Variants in MZF1 observed in about 807,000 individuals in gnomAD.
The protein encoded by MZF1 is zinc finger and SCAN domain-containing protein 6.
Under a neutral mutation model 28.6 loss-of-function variants are expected in MZF1, and 24 were observed. The ratio of observed to expected loss-of-function variants is 0.84; its 90% CI spans 0.61 to 1.18. The LOEUF is 1.18. Among genes scored for constraint, MZF1 ranks in the 50% most tolerant of loss-of-function variants. The probability of loss-of-function intolerance (pLI) is 0.00; values close to 1 mark genes in which losing one functional copy is unlikely to be tolerated. For synonymous variants in MZF1, 516 were observed against 432.5 expected (o/e 1.19, Z -2.40); for missense variants, 1,166 against 1,026.4 (o/e 1.14, Z -1.86).
In MZF1 at chr19:58,569,257, C is replaced by T; in HGVS notation, c.772+20G>A. 6.3e-7 allele frequency: 1 copy of T among 1,578,852 alleles called. No homozygotes were observed. Among genetic ancestry groups the T allele is most frequent in the Non-Finnish European group, 8.6e-7 (1 of 1,164,294 alleles). On this transcript the variant is annotated intron_variant, in intron 5 of 5. Coordinates refer to ENST00000215057, the MANE Select transcript of MZF1 (RefSeq NM_198055.2). Reference sequence around the variant, plus strand: ...TGTCCATGCGGAAGGCCTAGTCCCACCACACCCCATCTCACTTACCTGGGG... The same window carrying T: ...TGTCCATGCGGAAGGCCTAGTCCCATCACACCCCATCTCACTTACCTGGGG...
Position 58,563,385 on chromosome 19 carries a change from C to T in MZF1, c.892G>A (p.Glu298Lys). The change falls in exon 6 of 6, where the codon GAA becomes AAA. Residue 298 changes from glutamate to lysine, a missense_variant. Transcript: ENST00000215057. ...LSGQIQSPSR[E>K]GGFAHALLLP... ...AGAAGCGCATGCGCAAAGCCACCTTCGCGGGAGGGTGATTGGATCTGGCCA... is the reference window on the plus strand; with the variant it reads ...AGAAGCGCATGCGCAAAGCCACCTTTGCGGGAGGGTGATTGGATCTGGCCA... 1 of 1,603,080 alleles carries T rather than the reference C, an allele frequency of 6.2e-7. No homozygotes were observed. Among genetic ancestry groups the T allele is most frequent in the Non-Finnish European group, 8.5e-7 (1 of 1,174,944 alleles).
intron 1 of MZF1, chr19:58,572,567 T>C (rs1478510319): frequency 7.8e-7 from 1 of 1,289,646 alleles, no homozygotes; most frequent in South Asian, 1.2e-5. Context: ...CTCGCGCTGT[T>C]CCTTCTGCAG....
At position 58,562,913 on chromosome 19, in the gene MZF1, A is replaced by G. The variant is rs1409091971; in HGVS notation, c.1364T>C (p.Leu455Pro). The G allele has an allele frequency of 3.8e-6, 6 of 1,590,802 alleles. No homozygotes were observed. In the African/African-American group the frequency reaches 6.7e-5, roughly 18 times the overall value. The change falls in exon 6 of 6, where the codon CTG (leucine) becomes CCG (proline). Residue 455 changes from leucine (L) to proline (P), a missense_variant. By Grantham distance (98) the Leu-to-Pro change is moderately conservative (BLOSUM62 -3). Transcript: ENST00000215057. ...GCCGTGGATGCGCTGGTGCTGCAGC[A>G]GATTGGAGCGCTGCCGGAAGCTCTG... ...CGQSFRQRSN[L>P]LQHQRIHGDP...
chr19:58,565,313 C>G (rs572112094), intron 5 of MZF1, among the ~76,000 whole-genome samples: 1 of 147,948 alleles, frequency 6.8e-6, no homozygotes, highest in Non-Finnish European at 1.5e-5. Context: ...AGGCTGGTCT[C>G]GAACTCCCGA....
At chr19:58,572,147 G>A (rs2054176496) in intron 1 of MZF1, among the ~76,000 whole-genome samples, 1 of 151,954 alleles carries the variant, frequency 6.6e-6, no homozygotes, top group Non-Finnish European at 1.5e-5. Flanking sequence ...CCTACCCAAC[G>A]CCAGCCCTTA....
chr19:58,572,450 G>A, intron 1 of MZF1: 1 of 948,074 alleles, frequency 1.1e-6, no homozygotes, highest in Non-Finnish European at 1.5e-6. Context: ...AAGACTGCCG[G>A]AACAGGAGCC....
intron 5 of MZF1, chr19:58,564,561 C>T (rs931063061): frequency 6.6e-6 from 1 of 152,250 alleles, no homozygotes; most frequent in African/African-American, 2.4e-5. Context: ...GGGCTGAACT[C>T]ATCTGCCATT....
Position 58,562,038 on chromosome 19 carries a change from T to C in MZF1, c.*34A>G, listed in dbSNP as rs1461054133. 1.3e-6 allele frequency: 2 copies of C among 1,539,254 alleles called. No homozygotes were observed. Among genetic ancestry groups the C allele is most frequent in the South Asian group, 2.4e-5 (2 of 83,862 alleles). On this transcript the variant is annotated 3_prime_UTR_variant, in exon 6 of 6. Coordinates refer to ENST00000215057, the MANE Select transcript of MZF1 (RefSeq NM_198055.2). ...CAATAACCAGGGGAGGTAGGTGTTC[T>C]GACCATGGCGGACACAGTGCGTCCC...
chr19:58,570,293 C>T lies in MZF1; in HGVS notation c.580+51G>A, dbSNP rs540811752. 1.1e-5 allele frequency: 17 copies of T among 1,529,680 alleles called. No individual in the cohort carries two copies. The East Asian group carries it at 2.8e-4, about 25-fold the overall frequency. 94.8% of individuals were successfully genotyped at this position (1,529,680 alleles called of 1,614,324 possible). A position where few individuals can be genotyped will look rare whatever the true frequency, so the allele number is the denominator to read the frequency against. Reference sequence around the variant, plus strand: ...TCAGACTGACTGCTCAGGCCAGGTTCCCTGGCCCACCCAACCAGACCTTAG... The same window carrying T: ...TCAGACTGACTGCTCAGGCCAGGTTTCCTGGCCCACCCAACCAGACCTTAG... On this transcript the variant is annotated intron_variant, in intron 3 of 5. Coordinates refer to ENST00000215057, the MANE Select transcript of MZF1 (RefSeq NM_198055.2).
At position 58,562,677 on chromosome 19, in the gene MZF1, C is replaced by T; in HGVS notation, c.1600G>A (p.Val534Met). 1 of 1,538,852 alleles carries T rather than the reference C, an allele frequency of 6.5e-7. No homozygotes were observed. The highest frequency in any genetic ancestry group is 8.7e-7 in the Non-Finnish European group (1 of 1,148,512). Residue 534 changes from valine to methionine, a missense_variant, in exon 6 of 6, where the codon GTG (valine) becomes ATG (methionine). By Grantham distance (21) the Val-to-Met change is conservative. Coordinates refer to ENST00000215057, the MANE Select transcript of MZF1 (RefSeq NM_198055.2). ...RRSVLLQHRRVHSGERPFACA... is the reference protein window; with the variant it reads ...RRSVLLQHRRMHSGERPFACA... The stretch of plus-strand genomic sequence containing the variant: ...GCGAAGGGCCGCTCGCCACTGTGCA[C>T]GCGCCGGTGCTGCAGCAGCACTGAG...
rs774752138 is a variant in MZF1 at position 58,562,984 on chromosome 19, C to G, written c.1293G>C (p.Arg431=). Residue 431 remains arginine, a synonymous_variant, in exon 6 of 6, where the codon CGG becomes CGC. Coordinates refer to ENST00000215057, the MANE Select transcript of MZF1 (RefSeq NM_198055.2). ...AAGGCTGTTCGCCCGTGTGCACTCT[C>G]CGATGCTCTTCCAGGCGCGCGCTGC... ...FVRSARLEEH[R]RVHTGEQPFR... 5 of 1,602,136 alleles carry G rather than the reference C, an allele frequency of 3.1e-6. No homozygotes were observed. Among genetic ancestry groups the G allele is most frequent in the Non-Finnish European group, 2.5e-6 (3 of 1,179,680 alleles).
Position 58,564,902 on chromosome 19 carries a change from GTTTTTTTTTTTT to G in MZF1, c.773-1410_773-1399del, listed in dbSNP as rs71190056. On this transcript the variant is annotated intron_variant, in intron 5 of 5. Coordinates refer to ENST00000215057, the MANE Select transcript of MZF1 (RefSeq NM_198055.2). ...GTGGAGAATAAGCATCCATGTGTGT[GTTTTTTTTTTTT>G]TTTTTTTTTTTTTTTTTTTTTTTTG... Among the ~76,000 whole-genome samples, 111 of 41,978 alleles carry G rather than the reference GTTTTTTTTTTTT, an allele frequency of 2.6e-3. 1 individual carries two copies. Among genetic ancestry groups the G allele is most frequent in the Middle Eastern group, 0.02 (1 of 50 alleles). The allele number at this position is 41,978 out of a possible 152,430, so 27.5% of individuals were successfully genotyped here.
At chr19:58,570,322 C>T (rs577858041) in intron 3 of MZF1, 22 bp downstream of exon 3, 6 of 1,584,066 alleles carry the variant, frequency 3.8e-6, no homozygotes, top group East Asian at 4.5e-5. Flanking sequence ...ACCTTAGGCG[C>T]GCCCACCGTG....
intron 3 of MZF1, 100 bp downstream of exon 3, chr19:58,570,244 A>C: frequency 7.7e-7 from 1 of 1,293,558 alleles, no homozygotes; most frequent in Non-Finnish European, 1.1e-6. Flanking sequence ...CATTCCATTT[A>C]TAACAAACCT....
intron 5 of MZF1, chr19:58,564,459 G>A (rs914728935): frequency 1.1e-3 from 162 of 152,158 alleles, no homozygotes; most frequent in African/African-American, 3.7e-3. Flanking sequence ...TAGACACATG[G>A]GCAAAGGATG....
intron 3 of MZF1, 49 bp downstream of exon 3, chr19:58,570,295 C>T: frequency 6.5e-7 from 1 of 1,538,900 alleles, no homozygotes. Context: ...GCCAGGTTCC[C>T]TGGCCCACCC....
chr19:58,564,903 T>TGTG lies in MZF1; in HGVS notation c.773-1400_773-1399insCAC, dbSNP rs1491174026. ...TGGAGAATAAGCATCCATGTGTGTG[T>TGTG]TTTTTTTTTTTTTTTTTTTTTTTTT... On this transcript the variant is annotated intron_variant, in intron 5 of 5. Transcript: ENST00000215057. Among the ~76,000 whole-genome samples the TGTG allele has an allele frequency of 1.8e-4, 6 of 33,160 alleles. No homozygotes were observed. The Admixed American group carries it at 1.9e-3, about 10-fold the overall frequency. 21.8% of individuals were successfully genotyped at this position (33,160 alleles called of 152,430 possible).
chr19:58,567,107 C>G (rs2054072850), intron 5 of MZF1, among the ~76,000 whole-genome samples: 1 of 152,144 alleles, frequency 6.6e-6, no homozygotes, highest in Non-Finnish European at 1.5e-5. Flanking sequence ...AGGGTTTTGC[C>G]ATGTTGCCCA....
rs1210485165 is a variant in MZF1 at position 58,562,321 on chromosome 19, G to C, written c.1956C>G (p.Pro652=). 5 of 1,609,684 alleles carry C rather than the reference G, an allele frequency of 3.1e-6. No homozygotes were observed. Among genetic ancestry groups the C allele is most frequent in the Non-Finnish European group, 4.2e-6 (5 of 1,178,916 alleles). The change falls in exon 6 of 6, where the codon CCC becomes CCG. Residue 652 remains proline, a synonymous_variant. Coordinates refer to ENST00000215057, the MANE Select transcript of MZF1 (RefSeq NM_198055.2). ...TCTGGCCGCACTCGGGGCAGGCGAA[G>C]GGCCGTTCGCCCGTGTGGATGCGCT... is the stretch of plus-strand genomic sequence containing the variant. ...EHQRIHTGER[P]FACPECGQSF... is the part of the protein sequence containing the mutation.
Sources: allele counts gnomAD v4.1 joint callset (sites outside exome capture counted in the v4.1 genomes callset), GRCh38; gene constraint gnomAD v4.1.1; transcripts MANE v1.5; gene names NCBI Gene and HGNC (gene_info 2026-07-23, HGNC 2026-07-21).